The following GXYLT2 variants were observed in gnomAD, a reference collection of about 807,000 sequenced individuals.
The protein encoded by GXYLT2 is glucoside xylosyltransferase 2.
GXYLT2 carries 53 observed loss-of-function variants against 45.8 expected under a neutral mutation model. That is an observed-to-expected ratio of 1.16 (90% CI 0.93 to 1.46). GXYLT2 has a LOEUF of 1.46. Ranked by LOEUF, GXYLT2 falls within the 40% of genes most tolerant of loss-of-function variation. The probability of loss-of-function intolerance (pLI) is 0.00; values close to 1 mark genes in which losing one functional copy is unlikely to be tolerated. For synonymous variants in GXYLT2, 219 were observed against 214.2 expected, an observed-to-expected ratio of 1.02 and a Z score of -0.19; for missense variants, 551 against 544.4, an observed-to-expected ratio of 1.01 and a Z score of -0.12.
rs1164514077 is a variant in GXYLT2, at chr3:72,903,011, CAAAA to C, written c.276-5353_276-5350del. 2.0e-5 allele frequency among the ~76,000 whole-genome samples: 3 copies of C among 151,906 alleles called. No individual in the cohort carries two copies. The East Asian group carries it at 5.8e-4, about 29-fold the overall frequency. On this transcript the variant is annotated intron_variant, in intron 1 of 6. Transcript: ENST00000389617. ...TTTGCCACAGGGTGAGACTCCGTCT[CAAAA>C]AACAAAACAAAACAAAAAATAATAG...
intron 6 of GXYLT2, among the ~76,000 whole-genome samples, chr3:72,968,698 C>A (rs763578445): frequency 1.2e-4 from 19 of 152,134 alleles, no homozygotes; most frequent in Middle Eastern, 3.4e-3. Context: ...GAGGCCAAGG[C>A]AGGTGGATCA....
intron 3 of GXYLT2, chr3:72,926,853 T>A (rs1378004309): frequency 6.6e-6 from 1 of 152,214 alleles, no homozygotes; most frequent in Admixed American, 6.5e-5. Flanking sequence ...ATGTTTTTGG[T>A]TTTGTTTTTA....
intron 3 of GXYLT2, among the ~76,000 whole-genome samples, chr3:72,949,276 T>G (rs1283836775): frequency 6.6e-6 from 1 of 152,046 alleles, no homozygotes; most frequent in Non-Finnish European, 1.5e-5. Flanking sequence ...TGCCCTCTCT[T>G]TTCACATGCT....
At chr3:72,947,089 C>G (rs1016118561) in intron 3 of GXYLT2, among the ~76,000 whole-genome samples, 1 of 152,046 alleles carries the variant, frequency 6.6e-6, no homozygotes, top group Non-Finnish European at 1.5e-5. Context: ...TGGCCTCAAG[C>G]GATCCTCCCA....
chr3:72,932,499 T>A (rs2107115350), intron 3 of GXYLT2, among the ~76,000 whole-genome samples: 1 of 152,328 alleles, frequency 6.6e-6, no homozygotes, highest in Non-Finnish European at 1.5e-5. Flanking sequence ...TCTGAACCAA[T>A]CATTATGTCC....
At chr3:72,964,853 T>C (rs1026471118) in intron 5 of GXYLT2, among the ~76,000 whole-genome samples, 1 of 152,212 alleles carries the variant, frequency 6.6e-6, no homozygotes, top group African/African-American at 2.4e-5. Flanking sequence ...AACAAGACAA[T>C]GTAAATGCTT....
At chr3:72,972,229 A>G (rs1000724626) in intron 6 of GXYLT2, among the ~76,000 whole-genome samples, 8 of 152,176 alleles carry the variant, frequency 5.3e-5, no homozygotes, top group Admixed American at 1.3e-4. Flanking sequence ...CATCTATCAT[A>G]TAGACATTTT....
chr3:72,901,778 C>T (rs1340339424), intron 1 of GXYLT2, among the ~76,000 whole-genome samples: 2 of 151,814 alleles, frequency 1.3e-5, no homozygotes, highest in Admixed American at 1.3e-4. Flanking sequence ...TCAGGCTGGT[C>T]TCAAACTACT....
At chr3:72,950,471 AAAAG>A (rs764025088) in intron 3 of GXYLT2, among the ~76,000 whole-genome samples, 13 of 152,240 alleles carry the variant, frequency 8.5e-5, no homozygotes, top group Non-Finnish European at 1.5e-4. Flanking sequence ...AAAAAAAGAA[AAAAG>A]AAAAAATTAG....
chr3:72,901,177 T>C (rs1479174347), intron 1 of GXYLT2, among the ~76,000 whole-genome samples: 2 of 151,746 alleles, frequency 1.3e-5, no homozygotes, highest in Non-Finnish European at 2.9e-5. Context: ...TAGTCCCAGC[T>C]ATTCAGGAGG....
intron 3 of GXYLT2, among the ~76,000 whole-genome samples, chr3:72,926,378 C>T (rs994226384): frequency 1.3e-5 from 2 of 152,200 alleles, no homozygotes; most frequent in Non-Finnish European, 2.9e-5. Flanking sequence ...GGTCCTATGA[C>T]ATGGGATCAT....
At chr3:72,915,478 G>A (rs895503536) in intron 2 of GXYLT2, among the ~76,000 whole-genome samples, 3 of 150,812 alleles carry the variant, frequency 2.0e-5, no homozygotes, top group African/African-American at 7.3e-5. Context: ...AGAACAAAAC[G>A]AGGGGTGATG....
Position 72,945,303 on chromosome 3 carries a change from A to AAAAATAAAAT in GXYLT2, c.601-9787_601-9778dup, listed in dbSNP as rs59721042. On this transcript the variant is annotated intron_variant, in intron 3 of 6. Coordinates refer to ENST00000389617, the MANE Select transcript of GXYLT2 (RefSeq NM_001080393.2). The stretch of plus-strand genomic sequence containing the variant: ...ACTCCATCTCAAAAAATAAAAAAAT[A>AAAAATAAAAT]AAAATAAAATAAAATAATAGTGTTT... Among the ~76,000 whole-genome samples the AAAAATAAAAT allele has an allele frequency of 4.6e-5, 7 of 151,368 alleles. No homozygotes were observed. The South Asian group carries it at 6.3e-4, about 14-fold the overall frequency.
rs1313986302 is a variant in GXYLT2, at chr3:72,975,398, A to C, written c.*239A>C. 2.8e-6 allele frequency: 1 copy of C among 354,696 alleles called. No individual in the cohort carries two copies. Among genetic ancestry groups the C allele is most frequent in the South Asian group, 8.8e-5 (1 of 11,320 alleles). The allele number at this position is 354,696 out of a possible 1,614,324, so 22.0% of individuals were successfully genotyped here. A position where few individuals can be genotyped will look rare whatever the true frequency, so the allele number is the denominator to read the frequency against. On this transcript the variant is annotated 3_prime_UTR_variant, in exon 7 of 7. Transcript: ENST00000389617. ...AAAAAAAAAGACTATTACTCATTTA[A>C]CATTGTTTAAGCAGGTTGAGCTAGC...
At chr3:72,909,361 C>T (rs1235572222) in intron 2 of GXYLT2, among the ~76,000 whole-genome samples, 2 of 151,830 alleles carry the variant, frequency 1.3e-5, no homozygotes, top group South Asian at 2.1e-4. Context: ...TGAGCCACTG[C>T]GCCTGGCCGG....
At position 72,975,338 on chromosome 3, in the gene GXYLT2, T is replaced by G. The variant is rs1279661444; in HGVS notation, c.*179T>G. The G allele has an allele frequency of 2.4e-6, 1 of 418,202 alleles. No homozygotes were observed. The highest frequency in any genetic ancestry group is 2.1e-5 in the African/African-American group (1 of 47,622). 25.9% of individuals were successfully genotyped at this position (418,202 alleles called of 1,614,324 possible). A position where few individuals can be genotyped will look rare whatever the true frequency, so the allele number is the denominator to read the frequency against. On this transcript the variant is annotated 3_prime_UTR_variant, in exon 7 of 7. Coordinates refer to ENST00000389617, the MANE Select transcript of GXYLT2 (RefSeq NM_001080393.2). ...CAAAAGGGAATATGCTTTTCCTTAT[T>G]TTTTTTTCTAAAATGCTATTTATCT... is the stretch of plus-strand genomic sequence containing the variant.
chr3:72,969,911 A>G (rs1237975164), intron 6 of GXYLT2, among the ~76,000 whole-genome samples: 2 of 148,130 alleles, frequency 1.4e-5, no homozygotes, highest in African/African-American at 4.9e-5. Context: ...GTGCATTTGA[A>G]AAAAAAAAAA....
intron 2 of GXYLT2, among the ~76,000 whole-genome samples, chr3:72,917,680 C>T (rs949487041): frequency 6.6e-6 from 1 of 150,476 alleles, no homozygotes; most frequent in Admixed American, 6.6e-5. Context: ...TCACCTGAGC[C>T]CAGAGAGATC....
chr3:72,968,665 T>C (rs1023139720), intron 6 of GXYLT2, among the ~76,000 whole-genome samples: 9 of 152,200 alleles, frequency 5.9e-5, no homozygotes, highest in Admixed American at 4.6e-4. Context: ...CAGTGGCTCA[T>C]GCCTGTAATC....
Sources: gnomAD v4.1 joint callset for allele counts (sites outside exome capture counted in the v4.1 genomes callset) on GRCh38, gnomAD v4.1.1 for gene constraint, MANE v1.5 for transcripts, NCBI Gene and HGNC (gene_info 2026-07-23, HGNC 2026-07-21) for gene names.